TTC7A: variants seen among roughly 807,000 people sequenced by gnomAD.
TTC7A encodes the protein tetratricopeptide repeat domain 7A.
Under a neutral mutation model 103.7 loss-of-function variants are expected in TTC7A, and 110 were observed. The observed-to-expected ratio is 1.06, with a 90% CI of 0.91 to 1.24. The LOEUF is 1.24. TTC7A is among the 50% of genes most tolerant of loss of function. TTC7A has a pLI of 0.00. For missense variants in TTC7A, 1,340 were observed against 1,116.3 expected, an observed-to-expected ratio of 1.20 and a Z score of -2.86; for synonymous variants, 521 against 467.9, an observed-to-expected ratio of 1.11 and a Z score of -1.47.
At chr2:47,072,364 C>T (rs1446794652) in intron 19 of TTC7A, among the ~76,000 whole-genome samples, 8 of 152,200 alleles carry the variant, frequency 5.3e-5, no homozygotes, top group Non-Finnish European at 1.2e-4. Flanking sequence ...GCCCCCTGGC[C>T]GCAAGATCTC....
intron 5 of TTC7A, among the ~76,000 whole-genome samples, chr2:46,979,908 C>T (rs773059070): frequency 4.0e-4 from 61 of 152,290 alleles, no homozygotes; most frequent in African/African-American, 1.4e-3. Context: ...AGGTGCCAAG[C>T]GCAGCCGTCC....
intron 17 of TTC7A, 72 bp downstream of exon 17, chr2:47,050,118 A>C (rs1376029401): frequency 7.0e-6 from 9 of 1,291,566 alleles, no homozygotes; most frequent in Non-Finnish European, 8.9e-6. Flanking sequence ...GAGCACCAAC[A>C]CAGAGAGGGG....
chr2:46,997,405 T>G (rs1313271893), intron 8 of TTC7A, among the ~76,000 whole-genome samples: 1 of 151,974 alleles, frequency 6.6e-6, no homozygotes, highest in African/African-American at 2.4e-5. Flanking sequence ...TCCAAGCTGA[T>G]TAGGTGCGCA....
intron 4 of TTC7A, among the ~76,000 whole-genome samples, chr2:46,975,758 A>G (rs1420148471): frequency 1.3e-5 from 2 of 151,086 alleles, no homozygotes; most frequent in African/African-American, 2.4e-5. Flanking sequence ...TTTTAGATGG[A>G]GTCTTGCTTG....
At chr2:46,993,411 A>C (rs1214974494) in intron 5 of TTC7A, 39 bp from the exon 6 acceptor site, 1 of 1,601,912 alleles carries the variant, frequency 6.2e-7, no homozygotes, top group Non-Finnish European at 8.6e-7. Context: ...TTTGCGAGCT[A>C]GGCTGGTAAC....
At chr2:46,976,991 G>A (rs1673946566) in intron 4 of TTC7A, among the ~76,000 whole-genome samples, 1 of 152,242 alleles carries the variant, frequency 6.6e-6, no homozygotes, top group African/African-American at 2.4e-5. Flanking sequence ...ATGGGTCACT[G>A]CTAGACAGTA....
intron 2 of TTC7A, among the ~76,000 whole-genome samples, chr2:46,922,883 C>T (rs1418230210): frequency 6.6e-6 from 1 of 152,240 alleles, no homozygotes; most frequent in Non-Finnish European, 1.5e-5. Context: ...TTTTACAAAA[C>T]AGCCCTCTCT....
intron 11 of TTC7A, among the ~76,000 whole-genome samples, chr2:47,019,618 A>C (rs1679061254): frequency 6.6e-6 from 1 of 152,198 alleles, no homozygotes; most frequent in African/African-American, 2.4e-5. Flanking sequence ...AAGGATGATT[A>C]GCTCTTTTAA....
chr2:47,012,277 G>A (rs1678157132), intron 11 of TTC7A, among the ~76,000 whole-genome samples: 1 of 152,246 alleles, frequency 6.6e-6, no homozygotes, highest in African/African-American at 2.4e-5. Flanking sequence ...GTCCCAATCA[G>A]CTTGCTGATG....
chr2:46,940,720 C>T (rs1670256852), upstream of TTC7A, among the ~76,000 whole-genome samples: 1 of 152,220 alleles, frequency 6.6e-6, no homozygotes, highest in Non-Finnish European at 1.5e-5. The surrounding 1 kb of genome is among the most constrained non-coding windows in gnomAD (Gnocchi z 4.7). Context: ...AGCAGAGGGG[C>T]GTCCAGAGAG....
intron 5 of TTC7A, among the ~76,000 whole-genome samples, chr2:46,989,693 T>G (rs1457812519): frequency 6.6e-6 from 1 of 152,046 alleles, no homozygotes. Context: ...GGTGATTATT[T>G]GGTTTGCAAA....
intron 3 of TTC7A, among the ~76,000 whole-genome samples, chr2:46,960,411 T>C (rs956805701): frequency 2.6e-5 from 4 of 152,216 alleles, no homozygotes; most frequent in African/African-American, 9.7e-5. Context: ...TTGGTGGCAT[T>C]CCCAGAAACA....
rs191001086 is a variant in TTC7A, at chr2:46,948,595, A to C, written c.185-1768A>C. Among the ~76,000 whole-genome samples, 575 of 152,244 alleles carry C rather than the reference A, an allele frequency of 3.8e-3. 1 individual carries two copies. The highest frequency in any genetic ancestry group is 7.3e-3 in the Admixed American group (112 of 15,290). ...CCGTTCTCTGTGGGGAATCTCCCTT[A>C]CGGTGAGAGATTCTTCTTCAGAGGC... is the stretch of plus-strand genomic sequence containing the variant. On this transcript the variant is annotated intron_variant, in intron 1 of 19. Transcript: ENST00000319190.
intron 10 of TTC7A, among the ~76,000 whole-genome samples, chr2:47,008,903 C>CAA (rs774395318): frequency 8.4e-6 from 1 of 118,868 alleles, no homozygotes; most frequent in Non-Finnish European, 1.8e-5. Context: ...ACCAGCATGA[C>CAA]AAAAAAAAAA....
Position 47,010,694 on chromosome 2 carries a change from ATTTG to A in TTC7A, c.1288-616_1288-613del, listed in dbSNP as rs374968542. On this transcript the variant is annotated intron_variant, in intron 10 of 19. Coordinates refer to ENST00000319190, the MANE Select transcript of TTC7A (RefSeq NM_020458.4). ...GGCCATGCCTCCAGAGTCCTTATTT[ATTTG>A]TTTGTTTGTTTGTTTGTTTGAGACA... 4.6e-3 allele frequency among the ~76,000 whole-genome samples: 697 copies of A among 151,524 alleles called. 5 individuals carry two copies. Among genetic ancestry groups the A allele is most frequent in the African/African-American group, 0.014 (585 of 41,262 alleles).
chr2:47,071,424 C>T (rs1167091868), intron 19 of TTC7A, among the ~76,000 whole-genome samples: 3 of 152,166 alleles, frequency 2.0e-5, no homozygotes, highest in East Asian at 1.9e-4. Context: ...TCACTCCACC[C>T]GCTCCCCACC....
At chr2:46,988,733 A>C (rs776697611) in intron 5 of TTC7A, among the ~76,000 whole-genome samples, 13 of 152,220 alleles carry the variant, frequency 8.5e-5, no homozygotes, top group Non-Finnish European at 2.9e-5. Context: ...GGAGTTCTGG[A>C]GTTCACATGG....
In TTC7A at chr2:46,941,739, G is replaced by T. The variant is rs1326965891; in HGVS notation, c.184+14G>T. 3 of 1,548,692 alleles carry T rather than the reference G, an allele frequency of 1.9e-6. No homozygotes were observed. The highest frequency in any genetic ancestry group is 2.6e-6 in the Non-Finnish European group (3 of 1,146,368). ...TTCCGGACACCGGTGAGTAAGGGAA[G>T]AGGCTGGCTCGCCGGCAGCGAGCGC... On this transcript the variant is annotated intron_variant, in intron 1 of 19. Transcript: ENST00000319190. The surrounding 1 kb of genome is among the most constrained non-coding windows in gnomAD (Gnocchi z 4.2).
At chr2:46,999,474 AATCTT>A in intron 8 of TTC7A, 1 of 985,336 alleles carries the variant, frequency 1.0e-6, no homozygotes, top group South Asian at 4.7e-5. Context: ...GTATCCATCT[AATCTT>A]ATTCAAGGAG....
Sources: gnomAD v4.1 joint callset for allele counts (sites outside exome capture counted in the v4.1 genomes callset) on GRCh38, gnomAD v4.1.1 for gene constraint, Gnocchi (gnomAD v3.1) non-coding constraint, MANE v1.5 for transcripts, NCBI Gene and HGNC (gene_info 2026-07-23, HGNC 2026-07-21) for gene names.